The following WDR27 variants were observed in gnomAD, a reference collection of about 807,000 sequenced individuals.
The protein encoded by WDR27 is WD repeat domain 27, also known as WD repeat-containing protein 27.
Under a neutral mutation model 114.4 loss-of-function variants are expected in WDR27, and 100 were observed. The observed-to-expected ratio is 0.87, with a 90% CI of 0.74 to 1.03. The LOEUF is 1.03. WDR27 is among the 50% of genes least tolerant of loss of function. The pLI, the probability that WDR27 is intolerant of heterozygous loss-of-function variation, is 0.00. For missense variants in WDR27, 1,129 were observed against 1,092.9 expected, an observed-to-expected ratio of 1.03 and a Z score of -0.47; for synonymous variants, 449 against 423.1, an observed-to-expected ratio of 1.06 and a Z score of -0.75.
chr6:169,443,958 T>C, the WDR27 span, among the ~76,000 whole-genome samples: 3 of 152,164 alleles, frequency 2.0e-5, no homozygotes, highest in Non-Finnish European at 4.4e-5. Flanking sequence ...AAAAGGAAGA[T>C]GGCGGCATAG....
intron 23 of WDR27, among the ~76,000 whole-genome samples, chr6:169,595,481 T>A (rs1439190086): frequency 6.6e-6 from 1 of 152,206 alleles, no homozygotes; most frequent in Non-Finnish European, 1.5e-5. Context: ...CCAATTTTAA[T>A]CATAATTATC....
At chr6:169,628,024 G>A (rs377072385) in intron 21 of WDR27, among the ~76,000 whole-genome samples, 1 of 152,126 alleles carries the variant, frequency 6.6e-6, no homozygotes, top group Non-Finnish European at 1.5e-5. Flanking sequence ...GCCATGGTCT[G>A]GAAGTTGCTC....
intron 25 of WDR27, among the ~76,000 whole-genome samples, chr6:169,464,411 G>A (rs1487710039): frequency 6.6e-6 from 1 of 152,114 alleles, no homozygotes; most frequent in African/African-American, 2.4e-5. Flanking sequence ...GTAAATGTGA[G>A]ATCCAAAATA....
chr6:169,621,105 A>G (rs1813022042), intron 21 of WDR27, among the ~76,000 whole-genome samples: 1 of 152,222 alleles, frequency 6.6e-6, no homozygotes, highest in South Asian at 2.1e-4. Flanking sequence ...GATATTTTAA[A>G]TGAATTAATT....
chr6:169,690,406 T>TA (rs1784179904), intron 1 of WDR27, among the ~76,000 whole-genome samples: 1 of 152,228 alleles, frequency 6.6e-6, no homozygotes, highest in Non-Finnish European at 1.5e-5. Context: ...TTCCAGCTCT[T>TA]ACAACACAGC....
At chr6:169,613,491 G>C in intron 22 of WDR27, 68 bp downstream of exon 22, 1 of 1,269,126 alleles carries the variant, frequency 7.9e-7, no homozygotes, top group South Asian at 1.2e-5. Context: ...ATTCGGAAAA[G>C]AGATCAGATT....
the WDR27 span, among the ~76,000 whole-genome samples, chr6:169,447,831 C>G: frequency 2.6e-5 from 4 of 152,298 alleles, no homozygotes; most frequent in East Asian, 7.7e-4. Context: ...TCACTAATGT[C>G]TATATACAGA....
At chr6:169,453,749 C>T (rs1042089733), downstream of WDR27, among the ~76,000 whole-genome samples, 1 of 152,100 alleles carries the variant, frequency 6.6e-6, no homozygotes, top group African/African-American at 2.4e-5. Context: ...GTTGAAAAGT[C>T]CAAATACGTT....
chr6:169,643,877 T>C (rs1309033447), intron 16 of WDR27, 91 bp from the exon 17 acceptor site: 1 of 988,146 alleles, frequency 1.0e-6, no homozygotes. Flanking sequence ...GGAGTCACAC[T>C]GTAGAAAATC....
At chr6:169,615,613 A>G (rs554064348) in intron 21 of WDR27, among the ~76,000 whole-genome samples, 1 of 152,186 alleles carries the variant, frequency 6.6e-6, no homozygotes, top group Non-Finnish European at 1.5e-5. Flanking sequence ...CCTTCCTTAC[A>G]CCATACACAA....
At chr6:169,662,530 G>A in intron 8 of WDR27, 106 bp from the exon 9 acceptor site, 4 of 1,400,412 alleles carry the variant, frequency 2.9e-6, no homozygotes, top group Non-Finnish European at 3.9e-6. Flanking sequence ...TGTGCACCGT[G>A]GAGTCACTCG....
chr6:169,575,140 A>C (rs1802041817), intron 24 of WDR27, among the ~76,000 whole-genome samples: 1 of 152,004 alleles, frequency 6.6e-6, no homozygotes. Flanking sequence ...CAGACAGCAG[A>C]TCTTGGGACT....
At chr6:169,547,249 GAA>G in intron 25 of WDR27, among the ~76,000 whole-genome samples, 1 of 152,102 alleles carries the variant, frequency 6.6e-6, no homozygotes, top group East Asian at 1.9e-4. Flanking sequence ...ATTTAAATAA[GAA>G]ATGAATCCAA....
intron 25 of WDR27, among the ~76,000 whole-genome samples, chr6:169,458,786 CAA>C (rs373146234): frequency 0.023 from 2,419 of 104,746 alleles, 58 homozygotes; most frequent in African/African-American, 0.078. Flanking sequence ...GACCCTGTCT[CAA>C]AAAAAAAAAA....
intron 21 of WDR27, among the ~76,000 whole-genome samples, chr6:169,629,211 T>C (rs1562745514): frequency 6.6e-6 from 1 of 152,230 alleles, no homozygotes; most frequent in Non-Finnish European, 1.5e-5. Context: ...TCTTAAACCT[T>C]GCATGTTATT....
At chr6:169,654,717 A>AGGAGGAGGCGCGCACAGGT (rs1562828529) in intron 13 of WDR27, among the ~76,000 whole-genome samples, 1 of 127,550 alleles carries the variant, frequency 7.8e-6, no homozygotes, top group East Asian at 2.2e-4. Flanking sequence ...CGCGCACAGG[A>AGGAGGAGGCGCGCACAGGT]GAAGGAGGCG....
chr6:169,429,464 G>A, the WDR27 span, among the ~76,000 whole-genome samples: 2 of 143,086 alleles, frequency 1.4e-5, no homozygotes, highest in South Asian at 2.3e-4. Context: ...AGAAGTCTTA[G>A]TTTGTCATTG....
At position 169,629,876 on chromosome 6, in the gene WDR27, G is replaced by A. The variant is rs149650835; in HGVS notation, c.2223+3071C>T. On this transcript the variant is annotated intron_variant, in intron 21 of 25. Coordinates refer to ENST00000448612, the MANE Select transcript of WDR27 (RefSeq NM_182552.5). ...CAGGAGGCGGAGCTTGCAGTGAGCCGAGATCACGCAACTGCACTCCAGCCT... is the reference window on the plus strand; with the variant it reads ...CAGGAGGCGGAGCTTGCAGTGAGCCAAGATCACGCAACTGCACTCCAGCCT... 7.4e-3 allele frequency among the ~76,000 whole-genome samples: 1,038 copies of A among 139,792 alleles called. 25 individuals carry two copies. The highest frequency in any genetic ancestry group is 0.027 in the African/African-American group (1,004 of 37,116). The allele number at this position is 139,792 out of a possible 152,430, so 91.7% of individuals were successfully genotyped here.
At chr6:169,697,840 C>T (rs1337836915) in intron 1 of WDR27, among the ~76,000 whole-genome samples, 1 of 152,132 alleles carries the variant, frequency 6.6e-6, no homozygotes, top group African/African-American at 2.4e-5. Flanking sequence ...GCATTTGGGG[C>T]CACTACCGGT....
Sources: gnomAD v4.1 joint callset for allele counts (sites outside exome capture counted in the v4.1 genomes callset) on GRCh38, gnomAD v4.1.1 for gene constraint, MANE v1.5 for transcripts, NCBI Gene and HGNC (gene_info 2026-07-23, HGNC 2026-07-21) for gene names.